Variants in GET4 observed in about 807,000 individuals in gnomAD.
GET4 encodes the protein Golgi to ER traffic protein 4 homolog.
GET4 carries 20 observed loss-of-function variants against 40.0 expected under a neutral mutation model. The observed-to-expected ratio is 0.50, with a 90% CI of 0.35 to 0.73. The LOEUF (loss-of-function observed/expected upper bound fraction) is 0.73, where lower values mean the gene tolerates loss of function less well. Among genes scored for constraint, GET4 ranks in the 30% least tolerant of loss-of-function variants. GET4 has a pLI of 0.01. For missense variants in GET4, 557 were observed against 454.0 expected, an observed-to-expected ratio of 1.23 and a Z score of -2.06; for synonymous variants, 280 against 194.6, an observed-to-expected ratio of 1.44 and a Z score of -3.65.
At chr7:885,865 T>C (rs547433807) in intron 1 of GET4, 191 bp from the exon 2 acceptor site, 7 of 596,654 alleles carry the variant, frequency 1.2e-5, no homozygotes, top group African/African-American at 1.1e-4. Context: ...AGGCGCCCCA[T>C]GCAGCCCTCA....
chr7:877,233 T>C (rs1406205427), intron 1 of GET4, among the ~76,000 whole-genome samples: 1 of 135,610 alleles, frequency 7.4e-6, no homozygotes, highest in East Asian at 2.6e-4. Flanking sequence ...GGCCTTCTCC[T>C]TCTTCCTTTG....
intron 1 of GET4, among the ~76,000 whole-genome samples, chr7:879,180 GT>G (rs1449620007): frequency 6.6e-6 from 1 of 152,226 alleles, no homozygotes; most frequent in Non-Finnish European, 1.5e-5. Flanking sequence ...TGCCACTTTG[GT>G]TGTAGTTTGC....
chr7:893,498 C>T (rs1433014891), intron 6 of GET4, among the ~76,000 whole-genome samples: 24 of 79,824 alleles, frequency 3.0e-4, no homozygotes, highest in Admixed American at 8.1e-4. Flanking sequence ...GTGTTGGGTG[C>T]GGGCATGGTG....
intron 1 of GET4, among the ~76,000 whole-genome samples, chr7:877,693 A>G (rs1371005647): frequency 2.5e-5 from 1 of 39,278 alleles, no homozygotes; most frequent in Non-Finnish European, 4.8e-5. Context: ...TCCCTGTCCC[A>G]GATCTCCCTG....
At chr7:879,316 G>T (rs545576254) in intron 1 of GET4, among the ~76,000 whole-genome samples, 3 of 152,386 alleles carry the variant, frequency 2.0e-5, no homozygotes, top group South Asian at 4.1e-4. Flanking sequence ...GTGAGCCCAA[G>T]CGAAGGTGGA....
intron 4 of GET4, 113 bp downstream of exon 4, chr7:887,632 T>C (rs1453779053): frequency 4.8e-6 from 4 of 825,130 alleles, no homozygotes; most frequent in Non-Finnish European, 6.9e-6. Context: ...GGTTTCACCC[T>C]GTGGTCACGC....
intron 3 of GET4, 132 bp from the exon 4 acceptor site, chr7:887,238 C>G (rs755299302): frequency 1.6e-4 from 150 of 910,214 alleles, no homozygotes; most frequent in Non-Finnish European, 2.5e-4. Flanking sequence ...GTCCACGGCT[C>G]ACTCAGGGAC....
Position 886,098 on chromosome 7 carries a change from G to A in GET4, c.198G>A (p.Met66Ile), listed in dbSNP as rs1844182039. The A allele has an allele frequency of 6.2e-7, 1 of 1,610,536 alleles. No individual in the cohort carries two copies. Among genetic ancestry groups the A allele is most frequent in the African/African-American group, 1.3e-5 (1 of 75,012 alleles). ...AGCACACGGAGGCCCGGGAGCTCATGTACTCGGGAGCCCTGCTCTTCTTCA... is the reference window on the plus strand; with the variant it reads ...AGCACACGGAGGCCCGGGAGCTCATATACTCGGGAGCCCTGCTCTTCTTCA... ...QSKHTEAREL[M>I]YSGALLFFSH... The change falls in exon 2 of 9, where the codon ATG becomes ATA. Residue 66 changes from methionine (M) to isoleucine (I), a missense_variant. Coordinates refer to ENST00000265857, the MANE Select transcript of GET4 (RefSeq NM_015949.3).
At chr7:889,192 C>T (rs1407200462) in intron 4 of GET4, among the ~76,000 whole-genome samples, 1 of 152,254 alleles carries the variant, frequency 6.6e-6, no homozygotes, top group African/African-American at 2.4e-5. Context: ...GAAGAGGGGC[C>T]CTGGCTGCCT....
chr7:889,358 C>A (rs1253152695), intron 4 of GET4, among the ~76,000 whole-genome samples: 1 of 152,250 alleles, frequency 6.6e-6, no homozygotes, highest in Admixed American at 6.5e-5. Flanking sequence ...GGACCTGAGG[C>A]CTGGGCTCCA....
chr7:893,999 A>T (rs765451705), intron 8 of GET4, 28 bp downstream of exon 8: 3 of 1,508,624 alleles, frequency 2.0e-6, no homozygotes, highest in Non-Finnish European at 2.7e-6. Context: ...TGTCACACCC[A>T]CTCCAGCCCT....
rs1291282157 is a variant in GET4 at position 895,321 on chromosome 7, T to G, written c.896-13T>G. 5 of 1,449,956 alleles carry G rather than the reference T, an allele frequency of 3.4e-6. No homozygotes were observed. The highest frequency in any genetic ancestry group is 4.8e-6 in the Non-Finnish European group (5 of 1,038,430). 89.8% of individuals were successfully genotyped at this position (1,449,956 alleles called of 1,614,324 possible). A position where few individuals can be genotyped will look rare whatever the true frequency, so the allele number is the denominator to read the frequency against. On this transcript the variant is annotated splice_polypyrimidine_tract_variant and intron_variant, in intron 8 of 8. Coordinates refer to ENST00000265857, the MANE Select transcript of GET4 (RefSeq NM_015949.3). The stretch of plus-strand genomic sequence containing the variant: ...CTGCCCAGGCGTGACTGCCACGGTG[T>G]TCTTCTTTCCAGGGAACCTTCTGAC...
rs762767667 is a variant in GET4, at chr7:895,196, C to G, written c.896-138C>G. Reference sequence around the variant, plus strand: ...GTGTCCTGTCCCGGGGTTCCTGGGTCGTAGACAGTAGCGATGTGAGGCTTT... The same window carrying G: ...GTGTCCTGTCCCGGGGTTCCTGGGTGGTAGACAGTAGCGATGTGAGGCTTT... On this transcript the variant is annotated intron_variant, in intron 8 of 8. Transcript: ENST00000265857. 7.5e-6 allele frequency: 4 copies of G among 532,496 alleles called. No homozygotes were observed. In the African/African-American group the frequency reaches 7.8e-5, roughly 10 times the overall value. The allele number at this position is 532,496 out of a possible 1,614,324, so 33.0% of individuals were successfully genotyped here.
At chr7:891,502 C>T (rs1349320048) in intron 5 of GET4, among the ~76,000 whole-genome samples, 2 of 149,734 alleles carry the variant, frequency 1.3e-5, no homozygotes, top group African/African-American at 4.9e-5. Flanking sequence ...TCCCTTCCGC[C>T]AGCTCGGGCG....
At chr7:893,179 T>C (rs1844374166) in intron 6 of GET4, among the ~76,000 whole-genome samples, 1 of 137,812 alleles carries the variant, frequency 7.3e-6, no homozygotes, top group Non-Finnish European at 1.5e-5. Context: ...TGTTTGCAGG[T>C]GAGTGTTGGG....
intron 3 of GET4, 51 bp from the exon 4 acceptor site, chr7:887,319 A>G: frequency 6.5e-7 from 1 of 1,543,120 alleles, no homozygotes; most frequent in Non-Finnish European, 8.9e-7. Flanking sequence ...TGTGGGACAG[A>G]GAGCCGGAGT....
intron 4 of GET4, among the ~76,000 whole-genome samples, chr7:887,901 G>A (rs73042469): frequency 0.036 from 5,503 of 152,264 alleles, 160 homozygotes; most frequent in Non-Finnish European, 0.058. Flanking sequence ...TGAAGCCTTT[G>A]CGGGGATTAA....
At chr7:891,281 G>A (rs769866063) in intron 5 of GET4, among the ~76,000 whole-genome samples, 2 of 152,170 alleles carry the variant, frequency 1.3e-5, no homozygotes, top group African/African-American at 2.4e-5. Context: ...CTTTCCCGAC[G>A]GGCACTGGAG....
rs1844182415 is a variant in GET4, at chr7:886,115, T to A, written c.215T>A (p.Leu72His). Residue 72 changes from leucine (L) to histidine (H), a missense_variant, in exon 2 of 9, where the codon CTC becomes CAC. Leu to His is a moderately conservative substitution (Grantham distance 99). Coordinates refer to ENST00000265857, the MANE Select transcript of GET4 (RefSeq NM_015949.3). ...ARELMYSGAL[L>H]FFSHGQQNSA... ...GAGCTCATGTACTCGGGAGCCCTGC[T>A]CTTCTTCAGCCATGGCCAGGTAAGC... 1 of 1,608,264 alleles carries A rather than the reference T, an allele frequency of 6.2e-7. No individual in the cohort carries two copies. Among genetic ancestry groups the A allele is most frequent in the Non-Finnish European group, 8.5e-7 (1 of 1,175,568 alleles).
Sources: gnomAD v4.1 joint callset for allele counts (sites outside exome capture counted in the v4.1 genomes callset) on GRCh38, gnomAD v4.1.1 for gene constraint, MANE v1.5 for transcripts, NCBI Gene and HGNC (gene_info 2026-07-23, HGNC 2026-07-21) for gene names.